The following FLI1 variants were observed in gnomAD, a reference collection of about 807,000 sequenced individuals.
The protein encoded by FLI1 is Fli-1 proto-oncogene, ETS transcription factor, also known as Friend leukemia integration 1 transcription factor.
In FLI1, 13 loss-of-function variants were observed where a neutral mutation model predicts 53.1. The ratio of observed to expected loss-of-function variants is 0.24; its 90% CI spans 0.16 to 0.39. The LOEUF (loss-of-function observed/expected upper bound fraction) is 0.39. Ranked by LOEUF, FLI1 falls within the 10% of genes least tolerant of loss-of-function variation. FLI1 has a pLI of 1.00. For synonymous variants in FLI1, 244 were observed against 236.7 expected (o/e 1.03, Z -0.28); for missense variants, 424 against 600.5 (o/e 0.71, Z 3.07).
At chr11:128,722,047 G>T (rs1439950214) in intron 1 of FLI1, among the ~76,000 whole-genome samples, 1 of 152,148 alleles carries the variant, frequency 6.6e-6, no homozygotes, top group Non-Finnish European at 1.5e-5. Flanking sequence ...ATGGTAGGAT[G>T]CTCCAAAAGA....
intron 5 of FLI1, among the ~76,000 whole-genome samples, chr11:128,795,547 A>C (rs991804017): frequency 4.9e-5 from 7 of 144,282 alleles, no homozygotes; most frequent in African/African-American, 1.5e-4. Flanking sequence ...ATGCGTTAGA[A>C]TATAGAAAGC....
intron 2 of FLI1, among the ~76,000 whole-genome samples, chr11:128,761,931 C>A (rs369567993): frequency 6.6e-6 from 1 of 152,054 alleles, no homozygotes; most frequent in African/African-American, 2.4e-5. Context: ...AGACTGATAT[C>A]TTCTCACCCA....
chr11:128,752,659 C>T (rs1225826336), intron 1 of FLI1, among the ~76,000 whole-genome samples: 1 of 152,202 alleles, frequency 6.6e-6, no homozygotes, highest in Non-Finnish European at 1.5e-5. Flanking sequence ...TTCTGTGTGC[C>T]TGAGCAAGTT....
At chr11:128,755,729 T>C (rs916463744) in intron 1 of FLI1, among the ~76,000 whole-genome samples, 2 of 152,162 alleles carry the variant, frequency 1.3e-5, no homozygotes, top group Non-Finnish European at 1.5e-5. Context: ...TGAAGAAGGA[T>C]CCCAGCAGAT....
rs1942967650 is a variant in FLI1, at chr11:128,812,902, G to T, written c.*1914G>T. The T allele has an allele frequency of 1.7e-5, 2 of 114,940 alleles. 1 individual carries two copies. Among genetic ancestry groups the T allele is most frequent in the Non-Finnish European group, 4.2e-5 (2 of 47,554 alleles). 7.1% of individuals were successfully genotyped at this position (114,940 alleles called of 1,614,324 possible). A position where few individuals can be genotyped will look rare whatever the true frequency, so the allele number is the denominator to read the frequency against. On this transcript the variant is annotated 3_prime_UTR_variant, in exon 9 of 9. Transcript: ENST00000527786. ...TTGCCTCCAGTTCCTTCACTGTTAG[G>T]TAGCTTATTTTCATTTTCTCTATTT...
intron 1 of FLI1, among the ~76,000 whole-genome samples, chr11:128,716,542 G>C (rs1462080149): frequency 6.6e-6 from 1 of 152,166 alleles, no homozygotes; most frequent in Non-Finnish European, 1.5e-5. Context: ...GTGGATTTTT[G>C]ATTTTTGATA....
At chr11:128,718,658 G>T (rs1939121051) in intron 1 of FLI1, among the ~76,000 whole-genome samples, 1 of 152,118 alleles carries the variant, frequency 6.6e-6, no homozygotes, top group South Asian at 2.1e-4. Flanking sequence ...TTTTGGTTTG[G>T]GTTTTTTTAG....
chr11:128,704,684 T>C (rs1224654713), intron 1 of FLI1, among the ~76,000 whole-genome samples: 1 of 152,302 alleles, frequency 6.6e-6, no homozygotes, highest in East Asian at 1.9e-4. Flanking sequence ...GGAAGTGGTG[T>C]TCTATGGGCA....
At chr11:128,730,685 C>T (rs980224122) in intron 1 of FLI1, among the ~76,000 whole-genome samples, 10 of 152,092 alleles carry the variant, frequency 6.6e-5, no homozygotes, top group African/African-American at 2.2e-4. Flanking sequence ...CCAAGGGCTG[C>T]GTGATGGATA....
chr11:128,739,576 C>G (rs1940048325), intron 1 of FLI1, among the ~76,000 whole-genome samples: 1 of 152,112 alleles, frequency 6.6e-6, no homozygotes, highest in African/African-American at 2.4e-5. Flanking sequence ...GGATTGTTGG[C>G]TGAGAGTGGG....
chr11:128,727,420 G>T (rs991627477), intron 1 of FLI1, among the ~76,000 whole-genome samples: 9 of 152,248 alleles, frequency 5.9e-5, no homozygotes. Context: ...GAGGAAGAGT[G>T]TAAGGAGTTG....
At chr11:128,688,691 G>T (rs1937628328) in intron 1 of FLI1, among the ~76,000 whole-genome samples, 1 of 152,170 alleles carries the variant, frequency 6.6e-6, no homozygotes, top group Non-Finnish European at 1.5e-5. Context: ...AGAGGTAAAG[G>T]AGGTAATTGC....
chr11:128,693,705 C>T (rs948763615), upstream of FLI1: 42 of 233,208 alleles, frequency 1.8e-4, 1 homozygote, highest in African/African-American at 7.9e-4. Flanking sequence ...GTTCAGACTT[C>T]GGGAATCAGG....
At chr11:128,712,315 T>C (rs1221752054) in intron 1 of FLI1, among the ~76,000 whole-genome samples, 2 of 152,208 alleles carry the variant, frequency 1.3e-5, no homozygotes, top group African/African-American at 4.8e-5. Context: ...CAGAAGCAGA[T>C]GCTGGCACCA....
At chr11:128,760,431 G>C (rs367966286) in intron 2 of FLI1, among the ~76,000 whole-genome samples, 138 of 151,994 alleles carry the variant, frequency 9.1e-4, no homozygotes, top group African/African-American at 3.2e-3. Flanking sequence ...CTGGTGAGGA[G>C]GCCTATTCTA....
chr11:128,749,568 G>A (rs1052805006), intron 1 of FLI1, among the ~76,000 whole-genome samples: 1 of 152,200 alleles, frequency 6.6e-6, no homozygotes, highest in Non-Finnish European at 1.5e-5. Flanking sequence ...GTCACGCAAG[G>A]CCATTTCTTG....
At chr11:128,754,155 C>G (rs552326607) in intron 1 of FLI1, among the ~76,000 whole-genome samples, 43 of 152,082 alleles carry the variant, frequency 2.8e-4, no homozygotes, top group Admixed American at 5.9e-4. Context: ...TTCACAGCCC[C>G]CATGATCTAT....
chr11:128,785,171 C>G (rs1942044686), intron 5 of FLI1, among the ~76,000 whole-genome samples: 2 of 152,042 alleles, frequency 1.3e-5, no homozygotes, highest in African/African-American at 4.8e-5. Context: ...TTGGATCCAG[C>G]TAGAGCAGTT....
chr11:128,777,842 C>T (rs978804814), intron 4 of FLI1, among the ~76,000 whole-genome samples: 5 of 152,072 alleles, frequency 3.3e-5, no homozygotes, highest in African/African-American at 7.3e-5. Flanking sequence ...ACGCTTGCGC[C>T]CCCTGGCCCA....
Sources: allele counts gnomAD v4.1 joint callset (sites outside exome capture counted in the v4.1 genomes callset), GRCh38; gene constraint gnomAD v4.1.1; transcripts MANE v1.5; gene names NCBI Gene and HGNC (gene_info 2026-07-23, HGNC 2026-07-21).